The following TMEM178B variants were observed in gnomAD, a reference collection of about 807,000 sequenced individuals.
TMEM178B encodes transmembrane protein 178B.
TMEM178B carries 5 observed loss-of-function variants against 31.0 expected under a neutral mutation model. The observed-to-expected ratio is 0.16, with a 90% CI of 0.08 to 0.34. TMEM178B has a LOEUF of 0.34. Ranked by LOEUF, TMEM178B falls within the 10% of genes least tolerant of loss-of-function variation. The probability of loss-of-function intolerance (pLI) is 1.00; values close to 1 mark genes in which losing one functional copy is unlikely to be tolerated. For synonymous variants in TMEM178B, 164 were observed against 164.0 expected, an observed-to-expected ratio of 1.00 and a Z score of 0.00; for missense variants, 275 against 400.3, an observed-to-expected ratio of 0.69 and a Z score of 2.67.
intron 1 of TMEM178B, among the ~76,000 whole-genome samples, chr7:141,096,199 G>T (rs1241445520): frequency 6.6e-6 from 1 of 152,164 alleles, no homozygotes; most frequent in Non-Finnish European, 1.5e-5. Context: ...TTGCATTGCA[G>T]GTCAAATGTT....
chr7:141,167,235 T>C (rs1796276131), intron 1 of TMEM178B, among the ~76,000 whole-genome samples: 1 of 152,244 alleles, frequency 6.6e-6, no homozygotes, highest in South Asian at 2.1e-4. Context: ...CCGTGAGTAC[T>C]ACATCTTGTC....
the TMEM178B span, among the ~76,000 whole-genome samples, chr7:141,500,036 A>G: frequency 6.6e-6 from 1 of 152,202 alleles, no homozygotes; most frequent in African/African-American, 2.4e-5. Context: ...ACTGTGTTCA[A>G]TTTCTCACCT....
At chr7:141,355,086 G>A (rs1799795470) in intron 2 of TMEM178B, among the ~76,000 whole-genome samples, 1 of 152,168 alleles carries the variant, frequency 6.6e-6, no homozygotes, top group Non-Finnish European at 1.5e-5. Context: ...CAGGCTCTCT[G>A]CTGCTGTGAT....
At chr7:141,088,077 T>C (rs1395690436) in intron 1 of TMEM178B, among the ~76,000 whole-genome samples, 1 of 152,090 alleles carries the variant, frequency 6.6e-6, no homozygotes, top group Non-Finnish European at 1.5e-5. Flanking sequence ...GCTTGGTTCT[T>C]GATGCTCTGC....
Position 141,470,745 on chromosome 7 carries a change from A to T in TMEM178B, c.844A>T (p.Asn282Tyr), listed in dbSNP as rs1266182243. ...APSVQPVPRT[N>Y]YPKSRPENGT... ...TTCTGTTCAACCTGTCCCGAGGACCAACTACCCTAAATCCAGACCCGAGAA... is the reference window on the plus strand; with the variant it reads ...TTCTGTTCAACCTGTCCCGAGGACCTACTACCCTAAATCCAGACCCGAGAA... The change falls in exon 4 of 4, where the codon AAC becomes TAC. Residue 282 changes from asparagine to tyrosine, a missense_variant. Coordinates refer to ENST00000565468, the MANE Select transcript of TMEM178B (RefSeq NM_001195278.2). 1 of 1,531,928 alleles carries T rather than the reference A, an allele frequency of 6.5e-7. No homozygotes were observed. The highest frequency in any genetic ancestry group is 2.0e-5 in the Admixed American group (1 of 50,374). 94.9% of individuals were successfully genotyped at this position (1,531,928 alleles called of 1,614,324 possible). A position where few individuals can be genotyped will look rare whatever the true frequency, so the allele number is the denominator to read the frequency against.
intron 1 of TMEM178B, among the ~76,000 whole-genome samples, chr7:141,092,901 T>C (rs1024056222): frequency 4.0e-5 from 6 of 151,886 alleles, no homozygotes; most frequent in Non-Finnish European, 8.8e-5. Flanking sequence ...AGGAAGAGGA[T>C]TTCAAGTGGA....
chr7:141,371,811 C>G (rs1800122502), intron 2 of TMEM178B, among the ~76,000 whole-genome samples: 1 of 152,168 alleles, frequency 6.6e-6, no homozygotes, highest in African/African-American at 2.4e-5. Flanking sequence ...CCTCTCCTCC[C>G]CTTCTCCTCC....
At chr7:141,329,665 CA>C (rs1170797683) in intron 2 of TMEM178B, among the ~76,000 whole-genome samples, 1 of 152,226 alleles carries the variant, frequency 6.6e-6, no homozygotes, top group Non-Finnish European at 1.5e-5. Context: ...ATAGCCACTG[CA>C]GATGTGTTGG....
intron 2 of TMEM178B, among the ~76,000 whole-genome samples, chr7:141,309,096 T>TA (rs1366999678): frequency 6.6e-6 from 1 of 152,172 alleles, no homozygotes; most frequent in Non-Finnish European, 1.5e-5. Flanking sequence ...TTTTATTTTT[T>TA]ATGATTGCAA....
rs145048613 is a variant in TMEM178B, at chr7:141,461,016, AATG to A, written c.635-9519_635-9517del. 9.7e-4 allele frequency among the ~76,000 whole-genome samples: 147 copies of A among 152,324 alleles called. No homozygotes were observed. Among genetic ancestry groups the A allele is most frequent in the African/African-American group, 3.4e-3 (141 of 41,568 alleles). ...CGTGCAGGTCTGAACAAAGCTGTAAAATGCTCTCGAGAGCTAAATGCGGCTGAA... is the reference window on the plus strand; with the variant it reads ...CGTGCAGGTCTGAACAAAGCTGTAAACTCTCGAGAGCTAAATGCGGCTGAA... On this transcript the variant is annotated intron_variant, in intron 3 of 3. Coordinates refer to ENST00000565468, the MANE Select transcript of TMEM178B (RefSeq NM_001195278.2). This position sits in a 1 kb window ranked among gnomAD's most constrained non-coding sequence, Gnocchi z 4.0.
intron 2 of TMEM178B, among the ~76,000 whole-genome samples, chr7:141,298,640 A>C (rs1798674603): frequency 6.6e-6 from 1 of 152,248 alleles, no homozygotes; most frequent in Non-Finnish European, 1.5e-5. Flanking sequence ...ATCAGAGTAG[A>C]GATTGGCCTG....
At chr7:141,325,498 G>T (rs928442448) in intron 2 of TMEM178B, among the ~76,000 whole-genome samples, 1 of 152,172 alleles carries the variant, frequency 6.6e-6, no homozygotes, top group Non-Finnish European at 1.5e-5. Context: ...CTTGATGCTT[G>T]ACCTTAGGTG....
At chr7:141,414,735 T>C (rs375295329) in intron 2 of TMEM178B, 2 of 152,354 alleles carry the variant, frequency 1.3e-5, no homozygotes, top group South Asian at 4.1e-4. Context: ...ACAAATACAC[T>C]AAGTTATTAT....
intron 2 of TMEM178B, among the ~76,000 whole-genome samples, chr7:141,405,578 GT>G (rs1358864532): frequency 6.6e-6 from 1 of 152,228 alleles, no homozygotes; most frequent in African/African-American, 2.4e-5. Flanking sequence ...GATTAATTAT[GT>G]GGTGATTAGC....
intron 1 of TMEM178B, among the ~76,000 whole-genome samples, chr7:141,102,078 T>C (rs964759370): frequency 6.6e-6 from 1 of 152,176 alleles, no homozygotes; most frequent in Non-Finnish European, 1.5e-5. Context: ...TGCTCCTTGA[T>C]GGCAGAACTA....
At chr7:141,310,991 C>T (rs537590191) in intron 2 of TMEM178B, among the ~76,000 whole-genome samples, 50 of 152,184 alleles carry the variant, frequency 3.3e-4, no homozygotes, top group Non-Finnish European at 2.8e-4. Context: ...AGATCATGTC[C>T]TTTGCAGGGA....
intron 2 of TMEM178B, among the ~76,000 whole-genome samples, chr7:141,248,249 A>T (rs1029393796): frequency 6.6e-6 from 1 of 152,136 alleles, no homozygotes; most frequent in Non-Finnish European, 1.5e-5. Context: ...TGCCTCCACT[A>T]AAAATACAAA....
At chr7:141,416,972 T>C (rs561097515) in intron 2 of TMEM178B, among the ~76,000 whole-genome samples, 46 of 152,248 alleles carry the variant, frequency 3.0e-4, no homozygotes, top group African/African-American at 1.1e-3. Context: ...CCATGCAAAA[T>C]GGAAAGCGTT....
At chr7:141,295,258 A>C (rs935633915) in intron 2 of TMEM178B, among the ~76,000 whole-genome samples, 1 of 152,080 alleles carries the variant, frequency 6.6e-6, no homozygotes, top group East Asian at 1.9e-4. Flanking sequence ...GTTGGAGGAG[A>C]TCTTGTGCCC....
Sources: gnomAD v4.1 joint callset for allele counts (sites outside exome capture counted in the v4.1 genomes callset) on GRCh38, gnomAD v4.1.1 for gene constraint, Gnocchi (gnomAD v3.1) non-coding constraint, MANE v1.5 for transcripts, NCBI Gene and HGNC (gene_info 2026-07-23, HGNC 2026-07-21) for gene names.